The following WWOX variants were observed in gnomAD, a reference collection of about 807,000 sequenced individuals.
The protein encoded by WWOX is WW domain containing oxidoreductase, also known as WW domain-containing oxidoreductase.
Under a neutral mutation model 46.2 loss-of-function variants are expected in WWOX, and 69 were observed. The ratio of observed to expected loss-of-function variants is 1.49; its 90% CI spans 1.23 to 1.82. The LOEUF (loss-of-function observed/expected upper bound fraction) is 1.82. Ranked by LOEUF, WWOX falls within the 40% of genes most tolerant of loss-of-function variation. The pLI is 0.00. For missense variants in WWOX, 919 were observed against 542.6 expected (o/e 1.69, Z -6.89); for synonymous variants, 359 against 202.6 (o/e 1.77, Z -6.56).
chr16:79,173,815 C>G (rs1327971077), intron 8 of WWOX, among the ~76,000 whole-genome samples: 2 of 151,372 alleles, frequency 1.3e-5, no homozygotes, highest in African/African-American at 4.9e-5. Context: ...AAGTGGGGTT[C>G]AAAATGAGAG....
At chr16:78,234,484 T>C (rs1363763125) in intron 5 of WWOX, among the ~76,000 whole-genome samples, 3 of 152,168 alleles carry the variant, frequency 2.0e-5, no homozygotes, top group African/African-American at 7.2e-5. Context: ...TCTGCAGAGC[T>C]TACAAGTTAT....
chr16:78,603,554 CGTGGTGG>C (rs2045674604), intron 8 of WWOX, among the ~76,000 whole-genome samples: 2 of 152,002 alleles, frequency 1.3e-5, no homozygotes, highest in Admixed American at 6.6e-5. Flanking sequence ...ATTAGCTGGG[CGTGGTGG>C]CAGCCACCTG....
intron 8 of WWOX, among the ~76,000 whole-genome samples, chr16:78,596,555 G>C (rs1012164053): frequency 6.6e-6 from 1 of 152,166 alleles, no homozygotes; most frequent in South Asian, 2.1e-4. Flanking sequence ...GGTGTTCCAA[G>C]ACTGGGGACA....
At chr16:78,660,500 C>A (rs933510211) in intron 8 of WWOX, among the ~76,000 whole-genome samples, 1 of 152,080 alleles carries the variant, frequency 6.6e-6, no homozygotes, top group Non-Finnish European at 1.5e-5. Context: ...TTCAAAGCTC[C>A]TTCTGTCTTT....
chr16:78,697,488 T>C (rs762521968), intron 8 of WWOX, among the ~76,000 whole-genome samples: 6 of 150,720 alleles, frequency 4.0e-5, no homozygotes, highest in Non-Finnish European at 5.9e-5. Context: ...TGGGAGAAAA[T>C]CTATACAAAT....
chr16:79,068,733 C>T lies in WWOX; in HGVS notation c.1057-142875C>T, dbSNP rs2048488987. 3.3e-5 allele frequency among the ~76,000 whole-genome samples: 5 copies of T among 151,628 alleles called. No homozygotes were observed. In the South Asian group the frequency reaches 1.0e-3, roughly 32 times the overall value. Reference sequence around the variant, plus strand: ...GGCTGAGGTGGGAGGATGGCTCGAGCCCAGGAGGCCAAGGCTGCAGTGAGA... The same window carrying T: ...GGCTGAGGTGGGAGGATGGCTCGAGTCCAGGAGGCCAAGGCTGCAGTGAGA... On this transcript the variant is annotated intron_variant, in intron 8 of 8. Coordinates refer to ENST00000566780, the MANE Select transcript of WWOX (RefSeq NM_016373.4).
intron 5 of WWOX, among the ~76,000 whole-genome samples, chr16:78,371,664 A>G (rs1182861928): frequency 6.6e-6 from 1 of 151,830 alleles, no homozygotes; most frequent in Non-Finnish European, 1.5e-5. Context: ...TTTTCCCTTT[A>G]TGCATCATCC....
chr16:78,423,805 C>T, intron 6 of WWOX, among the ~76,000 whole-genome samples: 2 of 147,868 alleles, frequency 1.4e-5, no homozygotes, highest in Non-Finnish European at 3.0e-5. Flanking sequence ...ATGACCACAC[C>T]ACTGCACTCC....
intron 8 of WWOX, among the ~76,000 whole-genome samples, chr16:78,528,834 A>C (rs558170226): frequency 6.6e-6 from 1 of 151,930 alleles, no homozygotes; most frequent in African/African-American, 2.4e-5. Flanking sequence ...AAATCAGGCA[A>C]CCTCTATGTA....
intron 5 of WWOX, among the ~76,000 whole-genome samples, chr16:78,264,240 G>C (rs1397847903): frequency 1.3e-5 from 2 of 151,924 alleles, no homozygotes; most frequent in African/African-American, 4.8e-5. Context: ...CCTGGTGACT[G>C]TCCTGAAAGC....
chr16:79,097,735 T>A (rs1263232813), intron 8 of WWOX, among the ~76,000 whole-genome samples: 7 of 152,154 alleles, frequency 4.6e-5, no homozygotes, highest in African/African-American at 1.7e-4. Context: ...CTGTCTTTTA[T>A]TTAGGGAAGG....
At chr16:78,833,342 G>T (rs2051884384) in intron 8 of WWOX, among the ~76,000 whole-genome samples, 1 of 151,696 alleles carries the variant, frequency 6.6e-6, no homozygotes, top group Non-Finnish European at 1.5e-5. Context: ...CTTTATACCA[G>T]TCCTCAACTT....
At chr16:78,625,343 G>C (rs1260950405) in intron 8 of WWOX, among the ~76,000 whole-genome samples, 1 of 152,158 alleles carries the variant, frequency 6.6e-6, no homozygotes, top group Non-Finnish European at 1.5e-5. Context: ...AGGCCAGCGT[G>C]TTCCATTTGA....
chr16:78,481,762 T>TTTGC (rs1555547258), intron 8 of WWOX, among the ~76,000 whole-genome samples: 2 of 147,190 alleles, frequency 1.4e-5, no homozygotes, highest in African/African-American at 5.3e-5. Context: ...TGTGTGTGTG[T>TTTGC]GTGCGCGCGC....
chr16:78,722,698 GTT>G (rs56266240), intron 8 of WWOX, among the ~76,000 whole-genome samples: 8,691 of 116,022 alleles, frequency 0.075, 316 homozygotes, highest in African/African-American at 0.1. Context: ...GTTTGTCTCT[GTT>G]TTTTTTTTTT....
intron 8 of WWOX, among the ~76,000 whole-genome samples, chr16:79,075,790 G>T (rs2048644941): frequency 2.0e-5 from 3 of 152,004 alleles, no homozygotes; most frequent in Admixed American, 6.6e-5. Context: ...AGCAAGAGAG[G>T]TTTACATACA....
intron 8 of WWOX, among the ~76,000 whole-genome samples, chr16:78,726,119 C>CTCTCCCTA (rs2048828999): frequency 7.0e-6 from 1 of 142,286 alleles, no homozygotes. Context: ...CTCTCTGCCT[C>CTCTCCCTA]CCTCTCTCCC....
intron 8 of WWOX, among the ~76,000 whole-genome samples, chr16:78,542,246 A>G (rs1016601072): frequency 1.3e-5 from 2 of 151,938 alleles, no homozygotes; most frequent in African/African-American, 2.4e-5. Flanking sequence ...CTACGTAATG[A>G]TCTCCTGGTG....
chr16:78,374,495 GTGT>G (rs1296185179), intron 5 of WWOX, among the ~76,000 whole-genome samples: 1 of 132,692 alleles, frequency 7.5e-6, no homozygotes, highest in Non-Finnish European at 1.6e-5. Context: ...TGTGTTTATG[GTGT>G]TTTGAGTCCT....
Sources: allele counts gnomAD v4.1 joint callset (sites outside exome capture counted in the v4.1 genomes callset), GRCh38; gene constraint gnomAD v4.1.1; transcripts MANE v1.5; gene names NCBI Gene and HGNC (gene_info 2026-07-23, HGNC 2026-07-21).